The following SLC24A2 variants were observed in gnomAD, a reference collection of about 807,000 sequenced individuals.
SLC24A2 encodes the protein sodium/potassium/calcium exchanger 2.
Under a neutral mutation model 62.0 loss-of-function variants are expected in SLC24A2, and 36 were observed. The observed-to-expected ratio is 0.58, with a 90% CI of 0.44 to 0.77. The LOEUF (loss-of-function observed/expected upper bound fraction) is 0.77, where lower values mean the gene tolerates loss of function less well. SLC24A2 is among the 30% of genes least tolerant of loss of function. The probability of loss-of-function intolerance (pLI) is 0.00; values close to 1 mark genes in which losing one functional copy is unlikely to be tolerated. For missense variants in SLC24A2, 846 were observed against 817.9 expected, an observed-to-expected ratio of 1.03 and a Z score of -0.42; for synonymous variants, 358 against 294.0, an observed-to-expected ratio of 1.22 and a Z score of -2.23.
chr9:19,523,666 T>C (rs1007958949), intron 9 of SLC24A2, among the ~76,000 whole-genome samples: 5 of 152,188 alleles, frequency 3.3e-5, no homozygotes, highest in African/African-American at 1.2e-4. Flanking sequence ...TTTCACCACG[T>C]TGGCCAGGCT....
chr9:19,892,940 G>T, the SLC24A2 span, among the ~76,000 whole-genome samples: 5 of 152,272 alleles, frequency 3.3e-5, no homozygotes, highest in African/African-American at 1.2e-4. Context: ...TAGATCATGA[G>T]AGGGACAAGT....
At chr9:20,219,504 T>C in the SLC24A2 span, among the ~76,000 whole-genome samples, 5 of 152,220 alleles carry the variant, frequency 3.3e-5, no homozygotes, top group Admixed American at 1.3e-4. Context: ...TGTCCTCGGT[T>C]GAATGGACCC....
In SLC24A2 at chr9:19,619,377, T is replaced by C. The variant is rs895575726; in HGVS notation, c.1078+207A>G. 3.9e-5 allele frequency among the ~76,000 whole-genome samples: 6 copies of C among 152,160 alleles called. No homozygotes were observed. The highest frequency in any genetic ancestry group is 1.4e-4 in the African/African-American group (6 of 41,448). ...ATAGAATCAGCACACGGACCTCACA[T>C]CCTACTCCTGGTACAAAAAACACTG... is the stretch of plus-strand genomic sequence containing the variant. On this transcript the variant is annotated intron_variant, in intron 4 of 10. Coordinates refer to ENST00000341998, the MANE Select transcript of SLC24A2 (RefSeq NM_020344.4).
the SLC24A2 span, among the ~76,000 whole-genome samples, chr9:20,265,019 G>A: frequency 6.6e-6 from 1 of 152,218 alleles, no homozygotes; most frequent in Non-Finnish European, 1.5e-5. Context: ...GGGTCTATTA[G>A]CATGGGTCTT....
intron 2 of SLC24A2, among the ~76,000 whole-genome samples, chr9:19,630,410 C>T (rs968344685): frequency 4.0e-5 from 6 of 151,732 alleles, no homozygotes; most frequent in African/African-American, 1.5e-4. Context: ...ATTTTTTTGC[C>T]AATCTTTTAT....
the SLC24A2 span, among the ~76,000 whole-genome samples, chr9:20,232,760 T>C: frequency 6.6e-6 from 1 of 152,342 alleles, no homozygotes; most frequent in East Asian, 1.9e-4. Flanking sequence ...ATCTTAGTTA[T>C]TTCTTGCCTT....
chr9:19,519,181 A>G (rs1005076201), intron 10 of SLC24A2, among the ~76,000 whole-genome samples: 6 of 152,238 alleles, frequency 3.9e-5, no homozygotes, highest in Non-Finnish European at 2.9e-5. Flanking sequence ...ATGCCTCTCT[A>G]TGCCAGGCAT....
chr9:19,631,022 C>A (rs1587064694), intron 2 of SLC24A2, among the ~76,000 whole-genome samples: 1 of 152,254 alleles, frequency 6.6e-6, no homozygotes, highest in East Asian at 1.9e-4. Context: ...TGTGTCCCCT[C>A]CTCCCCACTT....
At chr9:19,756,902 G>GTTTTTTT (rs1564082907) in intron 2 of SLC24A2, among the ~76,000 whole-genome samples, 7 of 42,334 alleles carry the variant, frequency 1.7e-4, no homozygotes, top group South Asian at 1.1e-3. Flanking sequence ...TTTTACTGAA[G>GTTTTTTT]CTTTTTTTTT....
chr9:20,029,081 T>C, the SLC24A2 span, among the ~76,000 whole-genome samples: 2 of 152,172 alleles, frequency 1.3e-5, no homozygotes, highest in African/African-American at 2.4e-5. Flanking sequence ...TCCCAGCAAT[T>C]TCTCACTCAC....
At chr9:19,850,984 TGTATATATATATATATAC>T in the SLC24A2 span, among the ~76,000 whole-genome samples, 188 of 30,438 alleles carry the variant, frequency 6.2e-3, 3 homozygotes, top group Non-Finnish European at 9.9e-3. Context: ...TATATATATA[TGTATATATATATATATAC>T]ACATACATAT....
the SLC24A2 span, among the ~76,000 whole-genome samples, chr9:20,225,562 A>ATATATATATAATATATATATAATATATAT: frequency 2.8e-5 from 2 of 71,840 alleles, no homozygotes; most frequent in East Asian, 2.2e-3. Flanking sequence ...TATATATATT[A>ATATATATATAATATATATATAATATATAT]TATATATATA....
At chr9:20,093,910 C>T in the SLC24A2 span, among the ~76,000 whole-genome samples, 3 of 152,122 alleles carry the variant, frequency 2.0e-5, no homozygotes, top group South Asian at 2.1e-4. Flanking sequence ...GTTTGTATCT[C>T]ATGTAGCCCA....
chr9:20,011,155 T>A, the SLC24A2 span, among the ~76,000 whole-genome samples: 12 of 152,170 alleles, frequency 7.9e-5, no homozygotes, highest in Non-Finnish European at 1.5e-4. Context: ...AAATGGTATT[T>A]CTAGTTCTAG....
intron 2 of SLC24A2, among the ~76,000 whole-genome samples, chr9:19,698,259 CTTTG>C (rs1564046993): frequency 1.3e-5 from 2 of 152,176 alleles, no homozygotes; most frequent in East Asian, 3.9e-4. Flanking sequence ...GCAGCCAAAA[CTTTG>C]TTTTATACAA....
chr9:20,108,683 C>G, the SLC24A2 span, among the ~76,000 whole-genome samples: 4 of 135,764 alleles, frequency 2.9e-5, no homozygotes, highest in Non-Finnish European at 6.1e-5. Context: ...GAACATCACA[C>G]TTTGGGGACT....
intron 2 of SLC24A2, among the ~76,000 whole-genome samples, chr9:19,622,841 C>A (rs1265817076): frequency 6.6e-6 from 1 of 152,100 alleles, no homozygotes; most frequent in Non-Finnish European, 1.5e-5. Flanking sequence ...GGGGAGTCAG[C>A]ATTCATTGCT....
the SLC24A2 span, among the ~76,000 whole-genome samples, chr9:20,218,233 T>C: frequency 6.6e-5 from 10 of 152,224 alleles, no homozygotes; most frequent in Admixed American, 2.0e-4. Flanking sequence ...TGTTGGTTGT[T>C]ACATCAAAAT....
In SLC24A2 at chr9:19,580,361, G is replaced by A. The variant is rs953319556; in HGVS notation, c.1130-3339C>T. 2.0e-5 allele frequency among the ~76,000 whole-genome samples: 3 copies of A among 152,266 alleles called. No individual in the cohort carries two copies. The East Asian group carries it at 5.8e-4, about 29-fold the overall frequency. On this transcript the variant is annotated intron_variant, in intron 5 of 10. Transcript: ENST00000341998. The stretch of plus-strand genomic sequence containing the variant: ...CCCACCTTCAGAATGTGGCACACAT[G>A]TGTAATCCTTCAGGGTGGTGGGGCA...
Sources: allele counts gnomAD v4.1 joint callset (sites outside exome capture counted in the v4.1 genomes callset), GRCh38; gene constraint gnomAD v4.1.1; transcripts MANE v1.5; gene names NCBI Gene and HGNC (gene_info 2026-07-23, HGNC 2026-07-21).